The following MAPKAP1 variants were observed in gnomAD, a reference collection of about 807,000 sequenced individuals.
The protein encoded by MAPKAP1 is MAPK associated protein 1.
In MAPKAP1, 20 loss-of-function variants were observed where a neutral mutation model predicts 65.7. The ratio of observed to expected loss-of-function variants is 0.30; its 90% CI spans 0.21 to 0.44. The LOEUF (loss-of-function observed/expected upper bound fraction) is 0.44, where lower values mean the gene tolerates loss of function less well. MAPKAP1 is among the 20% of genes least tolerant of loss of function. The pLI is 1.00. For synonymous variants in MAPKAP1, 222 were observed against 244.3 expected, an observed-to-expected ratio of 0.91 and a Z score of 0.85; for missense variants, 423 against 648.0, an observed-to-expected ratio of 0.65 and a Z score of 3.77.
chr9:125,441,388 T>TC (rs757585077), intron 11 of MAPKAP1, among the ~76,000 whole-genome samples: 1 of 152,174 alleles, frequency 6.6e-6, no homozygotes, highest in Non-Finnish European at 1.5e-5. Context: ...ACCTTGGGCC[T>TC]CCATCTCCTC....
intron 10 of MAPKAP1, among the ~76,000 whole-genome samples, chr9:125,450,664 A>C (rs938049026): frequency 1.2e-4 from 19 of 152,316 alleles, no homozygotes; most frequent in African/African-American, 4.3e-4. Flanking sequence ...ATTCCTTTAC[A>C]TCAGGCATGG....
chr9:125,664,878 G>C (rs1293993281), intron 3 of MAPKAP1, among the ~76,000 whole-genome samples: 1 of 152,108 alleles, frequency 6.6e-6, no homozygotes, highest in Admixed American at 6.6e-5. Context: ...GGGTCAAACT[G>C]TCCAGGAGGT....
intron 1 of MAPKAP1, among the ~76,000 whole-genome samples, chr9:125,686,512 A>C (rs7862834): frequency 0.92 from 139,504 of 152,196 alleles, 64,140 homozygotes; most frequent in East Asian, 1. Context: ...ATATGAAGGG[A>C]CTTTCAGCTC....
intron 8 of MAPKAP1, among the ~76,000 whole-genome samples, chr9:125,499,331 G>A (rs2133068457): frequency 6.6e-6 from 1 of 152,314 alleles, no homozygotes; most frequent in Non-Finnish European, 1.5e-5. Context: ...TAGGCAGCTA[G>A]TGGAAAACAA....
intron 1 of MAPKAP1, among the ~76,000 whole-genome samples, chr9:125,679,597 C>G (rs1564614165): frequency 6.6e-6 from 1 of 152,108 alleles, no homozygotes; most frequent in Non-Finnish European, 1.5e-5. Context: ...TATCTAGTTA[C>G]GTCTAAGGAA....
At chr9:125,558,784 A>T (rs569029647) in intron 6 of MAPKAP1, among the ~76,000 whole-genome samples, 2 of 152,244 alleles carry the variant, frequency 1.3e-5, no homozygotes, top group Non-Finnish European at 2.9e-5. Context: ...AGGAGCTCAT[A>T]AACTTGAATG....
chr9:125,562,481 C>T (rs1323904226), intron 5 of MAPKAP1, among the ~76,000 whole-genome samples: 3 of 152,142 alleles, frequency 2.0e-5, no homozygotes, highest in Non-Finnish European at 4.4e-5. Flanking sequence ...AATAGTGCTC[C>T]AACTCCTCTG....
chr9:125,451,545 C>G (rs1157821761), intron 10 of MAPKAP1, among the ~76,000 whole-genome samples: 1 of 152,162 alleles, frequency 6.6e-6, no homozygotes, highest in Non-Finnish European at 1.5e-5. Context: ...GGTATGGCTG[C>G]CACCTCCACA....
At chr9:125,542,313 T>C (rs530456167) in intron 7 of MAPKAP1, among the ~76,000 whole-genome samples, 4 of 152,330 alleles carry the variant, frequency 2.6e-5, no homozygotes, top group South Asian at 2.1e-4. Context: ...ACCCCAGCAA[T>C]GCTTTTTTTC....
chr9:125,477,384 C>G (rs1854148583), intron 9 of MAPKAP1, among the ~76,000 whole-genome samples: 1 of 152,154 alleles, frequency 6.6e-6, no homozygotes, highest in South Asian at 2.1e-4. Flanking sequence ...CCTGCCCAGT[C>G]AGTAAAAACA....
At chr9:125,691,019 T>C (rs1412598941) in intron 1 of MAPKAP1, among the ~76,000 whole-genome samples, 1 of 152,152 alleles carries the variant, frequency 6.6e-6, no homozygotes, top group South Asian at 2.1e-4. Context: ...CCCAGCACTG[T>C]GGGAGGCCGA....
intron 7 of MAPKAP1, among the ~76,000 whole-genome samples, chr9:125,523,576 T>A (rs774911244): frequency 1.3e-5 from 2 of 152,208 alleles, no homozygotes; most frequent in Admixed American, 6.5e-5. Flanking sequence ...TAGACCAAGT[T>A]TGATTTTAGC....
At chr9:125,616,343 A>G (rs1042309041) in intron 4 of MAPKAP1, among the ~76,000 whole-genome samples, 4 of 152,220 alleles carry the variant, frequency 2.6e-5, no homozygotes, top group African/African-American at 9.6e-5. Flanking sequence ...TAATGAAGCA[A>G]AAGACTGATA....
At chr9:125,497,025 G>A (rs1828828088) in intron 8 of MAPKAP1, among the ~76,000 whole-genome samples, 1 of 152,158 alleles carries the variant, frequency 6.6e-6, no homozygotes, top group Non-Finnish European at 1.5e-5. Flanking sequence ...TGATCAGAGA[G>A]GAGTAAAGGT....
intron 4 of MAPKAP1, among the ~76,000 whole-genome samples, chr9:125,608,041 G>A (rs548011529): frequency 9.2e-5 from 14 of 152,290 alleles, no homozygotes; most frequent in East Asian, 7.7e-4. Flanking sequence ...GGTATGTCAC[G>A]CCAGCGCCTG....
chr9:125,649,305 T>C (rs983475354), intron 4 of MAPKAP1, among the ~76,000 whole-genome samples: 3 of 152,216 alleles, frequency 2.0e-5, no homozygotes, highest in Non-Finnish European at 4.4e-5. Flanking sequence ...AGTAATCTCA[T>C]TGTAACAAAA....
chr9:125,640,218 C>T (rs1389249135), intron 4 of MAPKAP1, among the ~76,000 whole-genome samples: 1 of 152,152 alleles, frequency 6.6e-6, no homozygotes, highest in Non-Finnish European at 1.5e-5. Context: ...ATTCTCCTGC[C>T]TCAGCCTCCC....
chr9:125,597,201 C>T (rs1832158929), intron 4 of MAPKAP1, among the ~76,000 whole-genome samples: 2 of 133,414 alleles, frequency 1.5e-5, no homozygotes, highest in Admixed American at 1.8e-4. Flanking sequence ...GGAGGTGGAG[C>T]TTGCAATGAG....
At chr9:125,658,232 C>G (rs1834088469) in intron 3 of MAPKAP1, among the ~76,000 whole-genome samples, 1 of 152,026 alleles carries the variant, frequency 6.6e-6, no homozygotes, top group East Asian at 1.9e-4. Context: ...TCTAGTTCTT[C>G]AAGGTCAAGA....
Sources: allele counts gnomAD v4.1 joint callset (sites outside exome capture counted in the v4.1 genomes callset), GRCh38; gene constraint gnomAD v4.1.1; transcripts MANE v1.5; gene names NCBI Gene and HGNC (gene_info 2026-07-23, HGNC 2026-07-21).